CCDC148: variants seen among roughly 807,000 people sequenced by gnomAD.
CCDC148 encodes the protein coiled-coil domain-containing protein 148.
In CCDC148, 89 loss-of-function variants were observed where a neutral mutation model predicts 85.7. The observed-to-expected ratio is 1.04, with a 90% CI of 0.87 to 1.24. The LOEUF is 1.24. Ranked by LOEUF, CCDC148 falls within the 50% of genes most tolerant of loss-of-function variation. The probability of loss-of-function intolerance (pLI) is 0.00; values close to 1 mark genes in which losing one functional copy is unlikely to be tolerated. For missense variants in CCDC148, 692 were observed against 671.7 expected, an observed-to-expected ratio of 1.03 and a Z score of -0.33; for synonymous variants, 230 against 213.9, an observed-to-expected ratio of 1.08 and a Z score of -0.66.
intron 1 of CCDC148, among the ~76,000 whole-genome samples, chr2:158,384,520 C>G (rs1685005856): frequency 1.3e-5 from 2 of 152,130 alleles, no homozygotes; most frequent in African/African-American, 4.8e-5. Context: ...ATTCTTTCTT[C>G]CTCCTTCTCC....
chr2:158,344,401 A>C (rs1203737672), intron 3 of CCDC148, among the ~76,000 whole-genome samples: 1 of 152,196 alleles, frequency 6.6e-6, no homozygotes, highest in Non-Finnish European at 1.5e-5. Context: ...AACATGAAAA[A>C]GACCTAAGTC....
intron 7 of CCDC148, among the ~76,000 whole-genome samples, chr2:158,324,254 C>T (rs1005911664): frequency 1.3e-5 from 2 of 151,952 alleles, no homozygotes; most frequent in Non-Finnish European, 2.9e-5. Context: ...GGGTGAATAA[C>T]ATTTCAGTCT....
chr2:158,242,157 G>A (rs1473477358), intron 10 of CCDC148, among the ~76,000 whole-genome samples: 1 of 152,114 alleles, frequency 6.6e-6, no homozygotes, highest in Non-Finnish European at 1.5e-5. Context: ...TCTGTTACTT[G>A]GTAAAGAGTA....
At position 158,339,811 on chromosome 2, in the gene CCDC148, G is replaced by A. The variant is rs138477780; in HGVS notation, c.486+431C>T. Among the ~76,000 whole-genome samples the A allele has an allele frequency of 3.2e-3, 490 of 152,294 alleles. 3 individuals carry two copies. Among genetic ancestry groups the A allele is most frequent in the African/African-American group, 0.011 (477 of 41,556 alleles). On this transcript the variant is annotated intron_variant, in intron 5 of 13. Coordinates refer to ENST00000283233, the MANE Select transcript of CCDC148 (RefSeq NM_138803.4). ...AAAGAAGGCCAGCCTGGGTGTGACT[G>A]AGCTTTTATGGCAAAGTGGAAATGT...
intron 9 of CCDC148, among the ~76,000 whole-genome samples, chr2:158,308,018 T>C (rs558430573): frequency 6.6e-6 from 1 of 152,324 alleles, no homozygotes; most frequent in African/African-American, 2.4e-5. Context: ...AGACAGTTAC[T>C]TTATCAAGAC....
intron 1 of CCDC148, chr2:158,393,173 G>A (rs1299738190): frequency 6.6e-6 from 1 of 152,108 alleles, no homozygotes; most frequent in Admixed American, 6.6e-5. Flanking sequence ...AATAATAGGG[G>A]AACTGAGTGA....
At chr2:158,208,086 T>C (rs1296662323) in intron 11 of CCDC148, among the ~76,000 whole-genome samples, 2 of 152,090 alleles carry the variant, frequency 1.3e-5, no homozygotes, top group African/African-American at 2.4e-5. Flanking sequence ...TCATGGAATA[T>C]AAAGATAGAT....
Position 158,250,825 on chromosome 2 carries a change from C to A in CCDC148, c.1198G>T (p.Glu400Ter). 1 of 1,602,960 alleles carries A rather than the reference C, an allele frequency of 6.2e-7. No homozygotes were observed. The highest frequency in any genetic ancestry group is 2.2e-5 in the East Asian group (1 of 44,458). ...ARRREKEEEKEKLWKKKELLQ... is the reference protein window; with the variant it reads ...ARRREKEEEK ...AATTCCTTCTTCTTCCACAGTTTCT[C>A]TTTCTCCTCTTCCTTTTCTCTTCTT... Residue 400 changes from glutamate to a stop codon, truncating the protein, a stop_gained, in exon 10 of 14, where the codon GAG (glutamate) becomes TAG (stop). Coordinates refer to ENST00000283233, the MANE Select transcript of CCDC148 (RefSeq NM_138803.4). LOFTEE classifies it high-confidence loss of function.
At chr2:158,281,739 T>C (rs975550709) in intron 9 of CCDC148, among the ~76,000 whole-genome samples, 16 of 152,084 alleles carry the variant, frequency 1.1e-4, no homozygotes, top group African/African-American at 3.9e-4. Flanking sequence ...ACAATTCCAA[T>C]CAATAGAAAA....
intron 10 of CCDC148, among the ~76,000 whole-genome samples, chr2:158,227,426 T>C (rs942002415): frequency 3.9e-5 from 6 of 152,058 alleles, no homozygotes; most frequent in African/African-American, 1.2e-4. Flanking sequence ...AAGCTACCAA[T>C]GACTTTCTTC....
intron 13 of CCDC148, among the ~76,000 whole-genome samples, chr2:158,175,031 G>A (rs893469111): frequency 1.3e-5 from 2 of 152,028 alleles, no homozygotes; most frequent in East Asian, 3.9e-4. Context: ...GCTTTTCAGC[G>A]CCTGAACCTA....
chr2:158,442,089 T>A (rs368109845), intron 1 of CCDC148, among the ~76,000 whole-genome samples: 16 of 152,308 alleles, frequency 1.1e-4, no homozygotes, highest in African/African-American at 3.8e-4. Context: ...TAAAAAGACC[T>A]GCTGTATTTA....
At chr2:158,248,197 G>A (rs1430315120) in intron 10 of CCDC148, among the ~76,000 whole-genome samples, 6 of 151,906 alleles carry the variant, frequency 3.9e-5, no homozygotes, top group Non-Finnish European at 5.9e-5. Flanking sequence ...TATATGGCCT[G>A]GAAAGATAGA....
At chr2:158,264,671 G>A (rs376203311) in intron 9 of CCDC148, among the ~76,000 whole-genome samples, 4 of 151,964 alleles carry the variant, frequency 2.6e-5, no homozygotes, top group South Asian at 4.1e-4. Flanking sequence ...GCCTCACCCA[G>A]ATTATCCCCC....
intron 1 of CCDC148, among the ~76,000 whole-genome samples, chr2:158,423,769 G>T (rs1416947371): frequency 6.6e-6 from 1 of 152,198 alleles, no homozygotes; most frequent in African/African-American, 2.4e-5. Context: ...TACCATCAGA[G>T]TGAACAGGCA....
intron 2 of CCDC148, among the ~76,000 whole-genome samples, chr2:158,352,159 A>G (rs879173742): frequency 7.3e-5 from 11 of 149,700 alleles, no homozygotes; most frequent in African/African-American, 2.7e-4. Context: ...AACTCCAAAA[A>G]GCAGAGTGCC....
Position 158,172,175 on chromosome 2 carries a change from G to A in CCDC148, c.1714C>T (p.Pro572Ser), listed in dbSNP as rs1279510746. 1.9e-6 allele frequency: 3 copies of A among 1,609,512 alleles called. No homozygotes were observed. The South Asian group carries it at 3.3e-5, about 18-fold the overall frequency. Reference protein sequence around the residue: ...HRTLYAKEILPKISPQKPPRK... With the variant: ...HRTLYAKEILSKISPQKPPRK... ...GGAGGTTTTTGAGGACTAATTTTTG[G>A]TAATATCTCTTTAGCATAAAGTGTT... The change falls in exon 14 of 14, where the codon CCA (proline) becomes TCA (serine). Residue 572 changes from proline (P) to serine (S), a missense_variant. Coordinates refer to ENST00000283233, the MANE Select transcript of CCDC148 (RefSeq NM_138803.4).
intron 1 of CCDC148, among the ~76,000 whole-genome samples, chr2:158,430,844 G>A (rs751501459): frequency 6.6e-6 from 1 of 151,980 alleles, no homozygotes; most frequent in African/African-American, 2.4e-5. Context: ...TAAGTGTTAT[G>A]AGTATGCTCC....
At position 158,345,330 on chromosome 2, in the gene CCDC148, G is replaced by A; in HGVS notation, c.148-12C>T. 1 of 1,588,012 alleles carries A rather than the reference G, an allele frequency of 6.3e-7. No individual in the cohort carries two copies. Among genetic ancestry groups the A allele is most frequent in the Non-Finnish European group, 8.6e-7 (1 of 1,161,674 alleles). ...ATTGCTTTTCTGATCTAGATTTAGA[G>A]GAACAAAAGAGGAGCAACTTCAAAG... On this transcript the variant is annotated splice_polypyrimidine_tract_variant and intron_variant, in intron 2 of 13. Coordinates refer to ENST00000283233, the MANE Select transcript of CCDC148 (RefSeq NM_138803.4).
Sources: gnomAD v4.1 joint callset for allele counts (sites outside exome capture counted in the v4.1 genomes callset) on GRCh38, gnomAD v4.1.1 for gene constraint, MANE v1.5 for transcripts, NCBI Gene and HGNC (gene_info 2026-07-23, HGNC 2026-07-21) for gene names.